The following BNC2 variants were observed in gnomAD, a reference collection of about 807,000 sequenced individuals.
The protein encoded by BNC2 is zinc finger protein basonuclin-2.
BNC2 carries 20 observed loss-of-function variants against 76.3 expected under a neutral mutation model. The observed-to-expected ratio is 0.26, with a 90% CI of 0.18 to 0.38. The LOEUF (loss-of-function observed/expected upper bound fraction) is 0.38, where lower values mean the gene tolerates loss of function less well. BNC2 is among the 10% of genes least tolerant of loss of function. The pLI is 1.00. For missense variants in BNC2, 1,382 were observed against 1,399.8 expected (o/e 0.99, Z 0.20); for synonymous variants, 582 against 514.8 (o/e 1.13, Z -1.77).
intron 2 of BNC2, among the ~76,000 whole-genome samples, chr9:16,737,583 T>C (rs1563921050): frequency 6.6e-6 from 1 of 151,508 alleles, no homozygotes. Flanking sequence ...TCTCGCTATG[T>C]TGCCCAGGCA....
intron 5 of BNC2, among the ~76,000 whole-genome samples, chr9:16,505,823 C>G (rs1822611851): frequency 1.3e-5 from 2 of 152,086 alleles, no homozygotes. Context: ...ACACCCCAAG[C>G]AGAACAAGTC....
intron 1 of BNC2, among the ~76,000 whole-genome samples, chr9:16,844,875 C>A (rs551199430): frequency 5.0e-4 from 76 of 152,198 alleles, no homozygotes; most frequent in Admixed American, 6.5e-4. Context: ...AACAACTCAT[C>A]ACTGTATGTA....
intron 5 of BNC2, among the ~76,000 whole-genome samples, chr9:16,507,574 A>G (rs1409210803): frequency 6.6e-6 from 1 of 152,094 alleles, no homozygotes; most frequent in Non-Finnish European, 1.5e-5. Context: ...GACTACAGGC[A>G]CGCACCACCA....
chr9:16,727,650 C>T (rs974048145), intron 3 of BNC2, 147 bp downstream of exon 3: 2 of 691,666 alleles, frequency 2.9e-6, no homozygotes, highest in East Asian at 5.4e-5. Flanking sequence ...TCCAGTAACA[C>T]AGTTATGACA....
At chr9:16,707,004 C>T (rs1587337055) in intron 3 of BNC2, among the ~76,000 whole-genome samples, 3 of 152,320 alleles carry the variant, frequency 2.0e-5, no homozygotes, top group African/African-American at 7.2e-5. Flanking sequence ...AGATCGAGAC[C>T]ATCCTGGCTA....
chr9:16,808,819 A>G (rs1028757509), intron 1 of BNC2, among the ~76,000 whole-genome samples: 7 of 152,078 alleles, frequency 4.6e-5, no homozygotes, highest in Admixed American at 4.6e-4. Flanking sequence ...AATTGCTTTG[A>G]GGCCCAGAGA....
intron 1 of BNC2, among the ~76,000 whole-genome samples, chr9:16,824,424 C>G (rs1818406678): frequency 6.6e-6 from 1 of 152,174 alleles, no homozygotes; most frequent in South Asian, 2.1e-4. Flanking sequence ...ATATATGACA[C>G]TCTTTCAAGT....
intron 3 of BNC2, among the ~76,000 whole-genome samples, chr9:16,642,563 T>G (rs1170730769): frequency 1.3e-5 from 2 of 152,200 alleles, no homozygotes; most frequent in Admixed American, 1.3e-4. Flanking sequence ...TTTCTTTCAC[T>G]TCTGAGGACA....
chr9:16,852,061 G>A (rs914305997), intron 1 of BNC2, among the ~76,000 whole-genome samples: 3 of 152,084 alleles, frequency 2.0e-5, no homozygotes, highest in African/African-American at 7.2e-5. Flanking sequence ...ACTCTCACCC[G>A]CAGTCACACC....
At chr9:16,868,794 TTGTG>T (rs10529508) in intron 1 of BNC2, among the ~76,000 whole-genome samples, 31 of 151,536 alleles carry the variant, frequency 2.0e-4, no homozygotes, top group African/African-American at 6.3e-4. Context: ...TCACAAGGGA[TTGTG>T]TGTGTGTGTG....
chr9:16,412,299 C>T lies in BNC2; in HGVS notation c.*6690G>A, dbSNP rs938786847. On this transcript the variant is annotated 3_prime_UTR_variant, in exon 7 of 7. Transcript: ENST00000380672. Reference sequence around the variant, plus strand: ...GGTCATTGAAAGATGCATTTGTACACCTACGTCCATGGTTTGATGCCAAGG... The same window carrying T: ...GGTCATTGAAAGATGCATTTGTACATCTACGTCCATGGTTTGATGCCAAGG... 2.0e-5 allele frequency: 3 copies of T among 152,530 alleles called. No homozygotes were observed. Among genetic ancestry groups the T allele is most frequent in the African/African-American group, 4.8e-5 (2 of 41,418 alleles). 9.4% of individuals were successfully genotyped at this position (152,530 alleles called of 1,614,324 possible).
chr9:16,470,469 T>C (rs1227048214), intron 5 of BNC2, among the ~76,000 whole-genome samples: 4 of 152,154 alleles, frequency 2.6e-5, no homozygotes, highest in Non-Finnish European at 4.4e-5. Context: ...GGAAAATGTC[T>C]CCATGCCATG....
At chr9:16,697,236 T>A (rs539344312) in intron 3 of BNC2, among the ~76,000 whole-genome samples, 271 of 152,266 alleles carry the variant, frequency 1.8e-3, no homozygotes, top group African/African-American at 6.4e-3. Context: ...CACGTGCCCG[T>A]AGTCCCAGCT....
At chr9:16,528,972 T>C (rs1014494106) in intron 5 of BNC2, among the ~76,000 whole-genome samples, 5 of 152,216 alleles carry the variant, frequency 3.3e-5, no homozygotes, top group African/African-American at 1.2e-4. Context: ...AGTAGGGCTG[T>C]GTTCCACTCA....
intron 3 of BNC2, among the ~76,000 whole-genome samples, chr9:16,683,441 A>T (rs554133510): frequency 2.2e-4 from 33 of 152,326 alleles, no homozygotes; most frequent in Middle Eastern, 6.8e-3. Flanking sequence ...TCTCAGAATC[A>T]AGAGGCCAAA....
intron 5 of BNC2, among the ~76,000 whole-genome samples, chr9:16,472,638 C>T (rs1821850005): frequency 6.6e-6 from 1 of 152,186 alleles, no homozygotes; most frequent in East Asian, 1.9e-4. Context: ...GAATGGTCCA[C>T]TTCTTATAAT....
At chr9:16,519,325 G>T (rs1817544271) in intron 5 of BNC2, among the ~76,000 whole-genome samples, 1 of 152,160 alleles carries the variant, frequency 6.6e-6, no homozygotes, top group South Asian at 2.1e-4. Flanking sequence ...TGGATCAAGG[G>T]CCAGAGACAA....
chr9:16,460,723 T>C (rs1821560650), intron 5 of BNC2, among the ~76,000 whole-genome samples: 1 of 152,138 alleles, frequency 6.6e-6, no homozygotes, highest in Admixed American at 6.5e-5. Flanking sequence ...TACTATGATC[T>C]GCGTTGACTA....
chr9:16,634,465 G>C (rs188535306), intron 3 of BNC2, among the ~76,000 whole-genome samples: 1 of 150,532 alleles, frequency 6.6e-6, no homozygotes, highest in East Asian at 2.0e-4. Flanking sequence ...TAACCTCTTA[G>C]TCACCAAATT....
Sources: allele counts gnomAD v4.1 joint callset (sites outside exome capture counted in the v4.1 genomes callset), GRCh38; gene constraint gnomAD v4.1.1; transcripts MANE v1.5; gene names NCBI Gene and HGNC (gene_info 2026-07-23, HGNC 2026-07-21).